Variants in HEPHL1 observed in about 807,000 individuals in gnomAD.
HEPHL1 encodes hephaestin like 1.
A neutral mutation model predicts 122.0 loss-of-function variants in HEPHL1; 123 were observed. The observed-to-expected ratio is 1.01, with a 90% CI of 0.87 to 1.17. HEPHL1 has a LOEUF of 1.17. Among genes scored for constraint, HEPHL1 ranks in the 50% most tolerant of loss-of-function variants. HEPHL1 has a pLI of 0.00. For missense variants in HEPHL1, 1,452 were observed against 1,430.5 expected (o/e 1.01, Z -0.24); for synonymous variants, 527 against 508.9 (o/e 1.04, Z -0.48).
At chr11:94,097,859 A>G (rs1946331061) in intron 13 of HEPHL1, among the ~76,000 whole-genome samples, 1 of 151,744 alleles carries the variant, frequency 6.6e-6, no homozygotes, top group African/African-American at 2.4e-5. Flanking sequence ...TTTGTTTTCC[A>G]TTTGCTTAGT....
intron 17 of HEPHL1, among the ~76,000 whole-genome samples, chr11:94,106,383 C>T (rs1246908345): frequency 6.6e-6 from 1 of 151,626 alleles, no homozygotes; most frequent in African/African-American, 2.4e-5. Flanking sequence ...AGCTCCACCT[C>T]CCGGGTTCAT....
chr11:94,024,662 ATC>A (rs1945608975), intron 1 of HEPHL1, among the ~76,000 whole-genome samples: 1 of 151,986 alleles, frequency 6.6e-6, no homozygotes, highest in Non-Finnish European at 1.5e-5. Context: ...GCTTGTACTG[ATC>A]TGTTTCCTTC....
intron 11 of HEPHL1, among the ~76,000 whole-genome samples, chr11:94,087,276 A>C (rs1946225970): frequency 1.3e-5 from 2 of 152,310 alleles, no homozygotes; most frequent in South Asian, 4.1e-4. Context: ...AATTCATAGA[A>C]ATAGGCACTC....
chr11:94,086,001 A>G lies in HEPHL1; in HGVS notation c.1892A>G (p.Asn631Ser). 1 of 1,613,942 alleles carries G rather than the reference A, an allele frequency of 6.2e-7. No individual in the cohort carries two copies. Among genetic ancestry groups the G allele is most frequent in the Non-Finnish European group, 8.5e-7 (1 of 1,179,850 alleles). The change falls in exon 11 of 20, where the codon AAC becomes AGC. Residue 631 changes from asparagine to serine, a missense_variant. Transcript: ENST00000315765. ...MHAVNGYMYGNQPGLNMCKRD... is the reference protein window; with the variant it reads ...MHAVNGYMYGSQPGLNMCKRD... ...GCTGTTAACGGCTACATGTATGGCA[A>G]CCAGCCAGGCTTAAACATGTGTAAA...
chr11:94,064,981 G>A lies in HEPHL1; in HGVS notation c.808+471G>A, dbSNP rs143125007. ...GCATGGGGTTTAAATAAGCACTTGT[G>A]AATTCATTATATTTCCCAGGCATTC... On this transcript the variant is annotated intron_variant, in intron 4 of 19. Transcript: ENST00000315765. Among the ~76,000 whole-genome samples the A allele has an allele frequency of 7.5e-3, 1,147 of 152,260 alleles. 16 individuals carry two copies. The highest frequency in any genetic ancestry group is 0.027 in the African/African-American group (1,109 of 41,554).
intron 13 of HEPHL1, among the ~76,000 whole-genome samples, chr11:94,094,909 G>A (rs1019309502): frequency 1.4e-4 from 22 of 152,286 alleles, no homozygotes; most frequent in African/African-American, 4.8e-4. Flanking sequence ...TTTGCCAGAT[G>A]ATTAGATTGC....
chr11:94,063,994 C>A (rs1218641911), intron 3 of HEPHL1, among the ~76,000 whole-genome samples: 1 of 152,030 alleles, frequency 6.6e-6, no homozygotes, highest in African/African-American at 2.4e-5. Context: ...GTCAAATGAC[C>A]AGTAATGCCT....
chr11:94,063,887 G>T lies in HEPHL1; in HGVS notation c.628+167G>T, dbSNP rs1309072561. Among the ~76,000 whole-genome samples, 3 of 152,200 alleles carry T rather than the reference G, an allele frequency of 2.0e-5. No homozygotes were observed. The South Asian group carries it at 6.2e-4, about 32-fold the overall frequency. On this transcript the variant is annotated intron_variant, in intron 3 of 19. Coordinates refer to ENST00000315765, the MANE Select transcript of HEPHL1 (RefSeq NM_001098672.2). Reference sequence around the variant, plus strand: ...CACCATAGCAGAGGGCAATAATTCAGATTTTTGTCTAAGAATCATCACAGC... The same window carrying T: ...CACCATAGCAGAGGGCAATAATTCATATTTTTGTCTAAGAATCATCACAGC...
chr11:94,059,214 C>T (rs938077322), intron 2 of HEPHL1, among the ~76,000 whole-genome samples: 5 of 152,100 alleles, frequency 3.3e-5, no homozygotes, highest in Non-Finnish European at 7.4e-5. Context: ...TGGAGATTTT[C>T]TCATATTAGT....
Position 94,063,672 on chromosome 11 carries a change from A to G in HEPHL1, c.580A>G (p.Lys194Glu), listed in dbSNP as rs778236442. 15 of 1,613,714 alleles carry G rather than the reference A, an allele frequency of 9.3e-6. No individual in the cohort carries two copies. Among genetic ancestry groups the G allele is most frequent in the South Asian group, 3.3e-5 (3 of 91,078 alleles). ...GTACCATTCGCACATCGACGCCCCA[A>G]AGGACATCTGCTCTGGGCTAATTGG... ...WVYHSHIDAP[K>E]DICSGLIGPL... The change falls in exon 3 of 20, where the codon AAG (lysine) becomes GAG (glutamate). Residue 194 changes from lysine (K) to glutamate (E), a missense_variant. Coordinates refer to ENST00000315765, the MANE Select transcript of HEPHL1 (RefSeq NM_001098672.2).
chr11:94,051,541 T>G (rs1158437915), intron 2 of HEPHL1, among the ~76,000 whole-genome samples: 1 of 152,128 alleles, frequency 6.6e-6, no homozygotes, highest in African/African-American at 2.4e-5. Flanking sequence ...ATTCTGGTTA[T>G]TAATCCCAGA....
intron 17 of HEPHL1, among the ~76,000 whole-genome samples, 187 bp downstream of exon 17, chr11:94,106,317 G>A (rs535695055): frequency 6.8e-6 from 1 of 146,708 alleles, no homozygotes; most frequent in South Asian, 2.1e-4. Context: ...TTTTGAGACG[G>A]AGTCTTGCTC....
chr11:94,083,165 T>G (rs749459172), intron 10 of HEPHL1, among the ~76,000 whole-genome samples: 1 of 152,166 alleles, frequency 6.6e-6, no homozygotes, highest in Non-Finnish European at 1.5e-5. Flanking sequence ...TACTCTCCCT[T>G]GGGTTCACAA....
chr11:94,098,886 A>G (rs1229261535), intron 13 of HEPHL1, among the ~76,000 whole-genome samples: 2 of 152,162 alleles, frequency 1.3e-5, no homozygotes, highest in African/African-American at 4.8e-5. Context: ...GGACTTCTCT[A>G]CACTGGTTAT....
intron 4 of HEPHL1, among the ~76,000 whole-genome samples, chr11:94,066,040 CA>C (rs201943772): frequency 3.3e-5 from 5 of 151,446 alleles, no homozygotes; most frequent in Admixed American, 3.3e-4. Context: ...AAACAAACAA[CA>C]AAAAAAATCA....
At chr11:94,066,020 C>T (rs1010235449) in intron 4 of HEPHL1, among the ~76,000 whole-genome samples, 1 of 151,224 alleles carries the variant, frequency 6.6e-6, no homozygotes, top group Non-Finnish European at 1.5e-5. Context: ...CCGTTATCTA[C>T]AAAAAATTCA....
At chr11:94,101,744 C>T (rs761871580) in intron 14 of HEPHL1, among the ~76,000 whole-genome samples, 14 of 152,158 alleles carry the variant, frequency 9.2e-5, no homozygotes, top group Non-Finnish European at 1.6e-4. Context: ...AAAAATTCTC[C>T]GTGCTCTGGT....
Position 94,064,462 on chromosome 11 carries a change from T to C in HEPHL1, c.760T>C (p.Ser254Pro). 1 of 1,613,316 alleles carries C rather than the reference T, an allele frequency of 6.2e-7. No homozygotes were observed. Among genetic ancestry groups the C allele is most frequent in the Non-Finnish European group, 8.5e-7 (1 of 1,179,438 alleles). The part of the protein sequence containing the change: ...NIKHFCTNPD[S>P]VDKKDAVFQR... ...CAAACATTTCTGCACCAACCCTGAT[T>C]CAGTTGACAAGAAAGATGCTGTTTT... is the stretch of plus-strand genomic sequence containing the variant. Residue 254 changes from serine (S) to proline (P), a missense_variant, in exon 4 of 20, where the codon TCA (serine) becomes CCA (proline). Ser to Pro is a moderately conservative substitution (Grantham distance 74). Coordinates refer to ENST00000315765, the MANE Select transcript of HEPHL1 (RefSeq NM_001098672.2).
intron 4 of HEPHL1, among the ~76,000 whole-genome samples, chr11:94,065,032 A>T (rs1041357556): frequency 6.6e-6 from 1 of 152,228 alleles, no homozygotes; most frequent in Non-Finnish European, 1.5e-5. Flanking sequence ...TTTACTGAGC[A>T]TGCACTATAC....
Sources: gnomAD v4.1 joint callset for allele counts (sites outside exome capture counted in the v4.1 genomes callset) on GRCh38, gnomAD v4.1.1 for gene constraint, MANE v1.5 for transcripts, NCBI Gene and HGNC (gene_info 2026-07-23, HGNC 2026-07-21) for gene names.